The following TAB1 variants were observed in gnomAD, a reference collection of about 807,000 sequenced individuals.
The protein encoded by TAB1 is TGF-beta-activated kinase 1 and MAP3K7-binding protein 1.
A neutral mutation model predicts 54.5 loss-of-function variants in TAB1; 30 were observed. That is an observed-to-expected ratio of 0.55 (90% CI 0.41 to 0.75). The LOEUF (loss-of-function observed/expected upper bound fraction) is 0.75, where lower values mean the gene tolerates loss of function less well. Ranked by LOEUF, TAB1 falls within the 30% of genes least tolerant of loss-of-function variation. TAB1 has a pLI of 0.00. For synonymous variants in TAB1, 289 were observed against 286.9 expected, an observed-to-expected ratio of 1.01 and a Z score of -0.07; for missense variants, 609 against 683.2, an observed-to-expected ratio of 0.89 and a Z score of 1.21.
chr22:39,435,711 C>A (rs1927756562), downstream of TAB1, among the ~76,000 whole-genome samples: 1 of 152,198 alleles, frequency 6.6e-6, no homozygotes, highest in Non-Finnish European at 1.5e-5. Context: ...CCACCGCACA[C>A]ACTGGGCATC....
At chr22:39,436,718 C>G, downstream of TAB1, 1 of 635,734 alleles carries the variant, frequency 1.6e-6, no homozygotes, top group Non-Finnish European at 2.8e-6. Flanking sequence ...CTCCCTCATG[C>G]ATCTGTGTCC....
chr22:39,409,750 G>T (rs563679099), intron 1 of TAB1, among the ~76,000 whole-genome samples: 1 of 152,264 alleles, frequency 6.6e-6, no homozygotes, highest in East Asian at 1.9e-4. Flanking sequence ...CCATCACGCT[G>T]TGTCCCATTA....
chr22:39,401,033 TCAAAAAA>T (rs1446127144), intron 1 of TAB1, among the ~76,000 whole-genome samples: 1 of 68,380 alleles, frequency 1.5e-5, no homozygotes, highest in Non-Finnish European at 2.4e-5. Flanking sequence ...AGACTGTGTC[TCAAAAAA>T]AAAAAAAAAA....
downstream of TAB1, among the ~76,000 whole-genome samples, chr22:39,435,150 G>A (rs1193429106): frequency 1.3e-5 from 2 of 152,124 alleles, no homozygotes; most frequent in African/African-American, 4.8e-5. Context: ...CGAGTTTTGG[G>A]GTTTGTAAGA....
intron 3 of TAB1, among the ~76,000 whole-genome samples, chr22:39,416,004 A>G (rs1436014136): frequency 6.6e-6 from 1 of 152,198 alleles, no homozygotes; most frequent in African/African-American, 2.4e-5. Context: ...CTCAGCCTCC[A>G]GGTGCAGGAG....
Position 39,430,967 on chromosome 22 carries a change from C to CCGCTGTCG in TAB1, c.*746_*753dup. On this transcript the variant is annotated 3_prime_UTR_variant, in exon 11 of 11. Transcript: ENST00000216160. ...TGGCCCCGGTGGGCTGAGGCAGGGG[C>CCGCTGTCG]CGCTGTCGTCAGGCCTGAGCCAGGG... 1 of 986,910 alleles carries CCGCTGTCG rather than the reference C, an allele frequency of 1.0e-6. No homozygotes were observed. Among genetic ancestry groups the CCGCTGTCG allele is most frequent in the Non-Finnish European group, 1.2e-6 (1 of 830,966 alleles). The allele number at this position is 986,910 out of a possible 1,614,324, so 61.1% of individuals were successfully genotyped here.
intron 1 of TAB1, among the ~76,000 whole-genome samples, chr22:39,408,453 T>C (rs1038883586): frequency 3.3e-5 from 5 of 152,216 alleles, no homozygotes; most frequent in Non-Finnish European, 5.9e-5. Context: ...TGTTTGAGCT[T>C]GTTTCTTTCT....
At chr22:39,402,777 C>G (rs967443499) in intron 1 of TAB1, among the ~76,000 whole-genome samples, 2 of 152,126 alleles carry the variant, frequency 1.3e-5, no homozygotes, top group African/African-American at 4.8e-5. Context: ...GTCATGAACT[C>G]CTGGCCTCAA....
At chr22:39,420,021 A>T (rs1927000379) in intron 7 of TAB1, among the ~76,000 whole-genome samples, 1 of 152,224 alleles carries the variant, frequency 6.6e-6, no homozygotes, top group Non-Finnish European at 1.5e-5. Flanking sequence ...AGGCAGGCGA[A>T]GCCAGAGTTG....
chr22:39,436,715 A>C, downstream of TAB1: 1 of 644,728 alleles, frequency 1.6e-6, no homozygotes, highest in Non-Finnish European at 2.7e-6. Context: ...CCCCTCCCTC[A>C]TGCATCTGTG....
In TAB1 at chr22:39,428,064, C is replaced by T. The variant is rs776910413; in HGVS notation, c.1188C>T (p.Ser396=). 8.7e-6 allele frequency: 14 copies of T among 1,613,204 alleles called. 1 individual carries two copies. Among genetic ancestry groups the T allele is most frequent in the Admixed American group, 5.0e-5 (3 of 59,984 alleles). Residue 396 remains serine, a synonymous_variant, in exon 10 of 11, where the codon AGC becomes AGT. Transcript: ENST00000216160. ...RVYPVSVPYS[S]AQSTSKTSVT... ...ACCCTGTGTCTGTGCCATACTCCAG[C>T]GCCCAGAGCACCAGCAAGACCAGCG... is the stretch of plus-strand genomic sequence containing the variant.
intron 4 of TAB1, among the ~76,000 whole-genome samples, 177 bp from the exon 5 acceptor site, chr22:39,417,534 T>G (rs1293697279): frequency 6.6e-6 from 1 of 151,198 alleles, no homozygotes; most frequent in Non-Finnish European, 1.5e-5. Flanking sequence ...AGCAGGAGAA[T>G]GGTGTGAACC....
At chr22:39,399,943 G>A (rs538506412) in intron 1 of TAB1, 108 bp downstream of exon 1, 26 of 1,236,150 alleles carry the variant, frequency 2.1e-5, no homozygotes, top group African/African-American at 1.2e-4. Context: ...CCCTCTCCGT[G>A]GTGGGGTGTG....
At chr22:39,407,693 G>A (rs942107089) in intron 1 of TAB1, among the ~76,000 whole-genome samples, 1 of 152,130 alleles carries the variant, frequency 6.6e-6, no homozygotes, top group Non-Finnish European at 1.5e-5. Flanking sequence ...TGCTGTGTTA[G>A]CCAGGATGGT....
At chr22:39,426,061 G>C (rs1191114208) in intron 8 of TAB1, among the ~76,000 whole-genome samples, 1 of 151,638 alleles carries the variant, frequency 6.6e-6, no homozygotes, top group Admixed American at 6.6e-5. Context: ...GTTTCAACAT[G>C]TTGGCCAAGC....
Position 39,416,797 on chromosome 22 carries a change from G to A in TAB1, c.331G>A (p.Asp111Asn), listed in dbSNP as rs1926852304. ...DVRRVLLQAFDVVERSFLESI... is the reference protein window; with the variant it reads ...DVRRVLLQAFNVVERSFLESI... The stretch of plus-strand genomic sequence containing the variant: ...CTGTCCTGTGTCCCCCTAGGCCTTC[G>A]ATGTGGTGGAGAGGAGCTTCCTGGA... The change falls in exon 4 of 11, where the codon GAT (aspartate) becomes AAT (asparagine). Residue 111 changes from aspartate (D) to asparagine (N), a missense_variant. Asp to Asn is a conservative substitution (Grantham distance 23, BLOSUM62 1). Transcript: ENST00000216160. The A allele has an allele frequency of 1.2e-6, 2 of 1,614,210 alleles. No homozygotes were observed. Among genetic ancestry groups the A allele is most frequent in the Non-Finnish European group, 8.5e-7 (1 of 1,180,036 alleles).
At chr22:39,425,636 A>G (rs5757665) in intron 8 of TAB1, among the ~76,000 whole-genome samples, 116,766 of 150,612 alleles carry the variant, frequency 0.78, 46,246 homozygotes, top group East Asian at 1. Context: ...CTTACTGATC[A>G]CCTCCCGGGT....
rs1927108552 is a variant in TAB1, at chr22:39,421,923, G to T, written c.873G>T (p.Gly291=). The T allele has an allele frequency of 5.6e-6, 9 of 1,610,386 alleles. No homozygotes were observed. The highest frequency in any genetic ancestry group is 7.6e-6 in the Non-Finnish European group (9 of 1,178,320). ...VTGFLVLMSE[G]LYKALEAAHG... is the part of the protein sequence containing the mutation. The stretch of plus-strand genomic sequence containing the variant: ...GCTTCTTGGTGCTGATGTCGGAGGG[G>T]TTGTACAAGGCCCTAGAGGCAGCCC... Residue 291 remains glycine (G), a synonymous_variant, in exon 8 of 11, where the codon GGG becomes GGT. Transcript: ENST00000216160.
In TAB1 at chr22:39,428,248, G is replaced by A; in HGVS notation, c.1307+65G>A. 10 of 1,156,136 alleles carry A rather than the reference G, an allele frequency of 8.6e-6. No homozygotes were observed. In the South Asian group the frequency reaches 1.5e-4, roughly 18 times the overall value. 71.6% of individuals were successfully genotyped at this position (1,156,136 alleles called of 1,614,324 possible). On this transcript the variant is annotated intron_variant, in intron 10 of 10. Coordinates refer to ENST00000216160, the MANE Select transcript of TAB1 (RefSeq NM_006116.3). ...CCCCCGTGTGTGTCCTGTGGCACCA[G>A]GACAGAAATGGCCATGGGGCCAAGG...
Sources: allele counts gnomAD v4.1 joint callset (sites outside exome capture counted in the v4.1 genomes callset), GRCh38; gene constraint gnomAD v4.1.1; transcripts MANE v1.5; gene names NCBI Gene and HGNC (gene_info 2026-07-23, HGNC 2026-07-21).